SAMD12: variants seen among roughly 807,000 people sequenced by gnomAD.
SAMD12 encodes sterile alpha motif domain-containing protein 12.
A neutral mutation model predicts 15.0 loss-of-function variants in SAMD12; 9 were observed. The observed-to-expected ratio is 0.60, with a 90% confidence interval of 0.36 to 1.05. SAMD12 has a LOEUF of 1.05. SAMD12 is among the 50% of genes least tolerant of loss of function. The pLI is 0.01. For synonymous variants in SAMD12, 86 were observed against 90.1 expected (o/e 0.96, Z 0.25); for missense variants, 230 against 234.2 (o/e 0.98, Z 0.12).
chr8:118,152,126 T>C, the SAMD12 span, among the ~76,000 whole-genome samples: 6 of 152,158 alleles, frequency 3.9e-5, no homozygotes, highest in African/African-American at 1.4e-4. Context: ...AGCAGAAAGA[T>C]GGCCAAATAA....
intron 2 of SAMD12, among the ~76,000 whole-genome samples, chr8:118,551,946 C>T (rs372732499): frequency 6.0e-4 from 90 of 151,080 alleles, no homozygotes; most frequent in African/African-American, 1.7e-3. Context: ...ATAAATTCCT[C>T]GACACATACA....
chr8:118,550,415 A>G (rs1206121919), intron 2 of SAMD12, among the ~76,000 whole-genome samples: 23 of 152,220 alleles, frequency 1.5e-4, no homozygotes, highest in Non-Finnish European at 2.6e-4. Flanking sequence ...AGAATTTCAT[A>G]TCCAGCCAAA....
chr8:118,270,574 T>C (rs1000158636), intron 4 of SAMD12, among the ~76,000 whole-genome samples: 3 of 146,290 alleles, frequency 2.1e-5, no homozygotes, highest in Non-Finnish European at 3.1e-5. Flanking sequence ...TTTATTTGGA[T>C]TTTACTTTTG....
chr8:118,593,345 AC>A (rs1458811242), intron 1 of SAMD12, among the ~76,000 whole-genome samples: 2 of 152,126 alleles, frequency 1.3e-5, no homozygotes, highest in Admixed American at 1.3e-4. Flanking sequence ...CTTAAAAAAA[AC>A]AAGTTCCTTT....
intron 2 of SAMD12, among the ~76,000 whole-genome samples, chr8:118,476,230 C>T (rs77548145): frequency 1.1e-4 from 17 of 152,256 alleles, no homozygotes; most frequent in Non-Finnish European, 2.2e-4. Flanking sequence ...CTTAGCTGCA[C>T]GTTGCAGGTG....
chr8:118,267,469 A>G (rs567251712), intron 4 of SAMD12, among the ~76,000 whole-genome samples: 1 of 152,268 alleles, frequency 6.6e-6, no homozygotes, highest in South Asian at 2.1e-4. Context: ...AAGCTGGGGT[A>G]CATCATTTCA....
chr8:118,269,891 T>A (rs1813305520), intron 4 of SAMD12, among the ~76,000 whole-genome samples: 1 of 152,160 alleles, frequency 6.6e-6, no homozygotes, highest in Admixed American at 6.6e-5. Flanking sequence ...CTCCACCCAA[T>A]GTGCGCAACC....
intron 2 of SAMD12, among the ~76,000 whole-genome samples, chr8:118,459,228 G>A (rs911863410): frequency 6.6e-6 from 1 of 151,962 alleles, no homozygotes; most frequent in East Asian, 1.9e-4. Context: ...ACCACACTTG[G>A]CTACTTCTTG....
rs988643464 is a variant in SAMD12 at position 118,551,324 on chromosome 8, G to C, written c.192+29391C>G. The stretch of plus-strand genomic sequence containing the variant: ...AAAAGAACAGAAATTATAACAAACT[G>C]TCTCTCAGACCATAGTGCAATCAAA... On this transcript the variant is annotated intron_variant, in intron 2 of 3. Transcript: ENST00000314727. Among the ~76,000 whole-genome samples the C allele has an allele frequency of 2.0e-5, 3 of 152,052 alleles. 1 individual carries two copies. The highest frequency in any genetic ancestry group is 4.1e-4 in the South Asian group (2 of 4,820).
intron 2 of SAMD12, among the ~76,000 whole-genome samples, chr8:118,548,421 A>ACG (rs1297124744): frequency 4.1e-5 from 5 of 120,570 alleles, no homozygotes; most frequent in African/African-American, 1.6e-4. Flanking sequence ...ACACACACAC[A>ACG]CACCCCATGT....
At chr8:118,620,476 C>T (rs1339638663) in intron 1 of SAMD12, among the ~76,000 whole-genome samples, 1 of 141,826 alleles carries the variant, frequency 7.1e-6, no homozygotes, top group East Asian at 2.3e-4. Context: ...CTAGAAAAAT[C>T]TTGATTGTAA....
At chr8:118,603,202 TAAAAGA>T (rs1261294808) in intron 1 of SAMD12, among the ~76,000 whole-genome samples, 2 of 151,846 alleles carry the variant, frequency 1.3e-5, no homozygotes, top group African/African-American at 2.4e-5. Flanking sequence ...AGAAAATACA[TAAAAGA>T]AAATCAAATA....
In SAMD12 at chr8:118,439,908, GA is replaced by G. The variant is rs1428433138; in HGVS notation, c.245del (p.Val82AlafsTer5). On this transcript the variant is annotated frameshift_variant, in exon 3 of 4. Coordinates refer to ENST00000314727, the MANE Select transcript of SAMD12 (RefSeq NM_207506.3). LOFTEE classifies it high-confidence loss of function. The part of the protein sequence containing the change: ...KPVALWTQQD[V>X]CKWLKKHCPN... ...GACAATGTTTCTTCAACCACTTGCA[GA>G]CATCCTGCTGGGTCCATAGAGCCAC... 1.9e-6 allele frequency: 3 copies of G among 1,613,610 alleles called. No individual in the cohort carries two copies. The highest frequency in any genetic ancestry group is 2.5e-6 in the Non-Finnish European group (3 of 1,179,568).
intron 1 of SAMD12, among the ~76,000 whole-genome samples, chr8:118,614,791 C>T (rs1023633430): frequency 3.9e-5 from 6 of 152,186 alleles, no homozygotes; most frequent in South Asian, 2.1e-4. Context: ...GCTCTTCACG[C>T]GGGAGGCAAG....
chr8:118,425,085 C>A (rs1009103354), intron 3 of SAMD12, among the ~76,000 whole-genome samples: 1 of 151,864 alleles, frequency 6.6e-6, no homozygotes, highest in Admixed American at 6.6e-5. Context: ...ACTACAGGCG[C>A]CCGCCACCAC....
intron 4 of SAMD12, among the ~76,000 whole-genome samples, chr8:118,270,105 C>T (rs1813315367): frequency 1.3e-5 from 2 of 152,164 alleles, no homozygotes; most frequent in African/African-American, 4.8e-5. Flanking sequence ...ATCACAGAAA[C>T]ATGGCTGAGC....
exon 5 of SAMD12, chr8:118,195,811 A>G (rs764720517): frequency 6.6e-6 from 1 of 152,502 alleles, no homozygotes; most frequent in Non-Finnish European, 1.5e-5. Flanking sequence ...TGCTTGCTGA[A>G]TAAAGGAAGG....
intron 4 of SAMD12, among the ~76,000 whole-genome samples, chr8:118,307,975 C>T (rs779238692): frequency 2.0e-5 from 3 of 152,218 alleles, no homozygotes; most frequent in Non-Finnish European, 4.4e-5. Flanking sequence ...GCCCTTATGA[C>T]AGCCCTCTTT....
chr8:118,519,353 A>G (rs1470723142), intron 2 of SAMD12, among the ~76,000 whole-genome samples: 3 of 152,226 alleles, frequency 2.0e-5, no homozygotes, highest in African/African-American at 7.2e-5. Flanking sequence ...GACATCTTAA[A>G]TTATATTGAT....
Sources: allele counts gnomAD v4.1 joint callset (sites outside exome capture counted in the v4.1 genomes callset), GRCh38; gene constraint gnomAD v4.1.1; transcripts MANE v1.5; gene names NCBI Gene and HGNC (gene_info 2026-07-23, HGNC 2026-07-21).